SH3BGRL2: variants seen among roughly 807,000 people sequenced by gnomAD.
SH3BGRL2 encodes SH3 domain-binding glutamic acid-rich-like protein 2.
A neutral mutation model predicts 14.8 loss-of-function variants in SH3BGRL2; 21 were observed. The observed-to-expected ratio is 1.42, with a 90% confidence interval of 1.01 to 2.05. The LOEUF (loss-of-function observed/expected upper bound fraction) is 2.05. Ranked by LOEUF, SH3BGRL2 falls within the 30% of genes most tolerant of loss-of-function variation. The probability of loss-of-function intolerance (pLI) is 0.00; values close to 1 mark genes in which losing one functional copy is unlikely to be tolerated. For missense variants in SH3BGRL2, 147 were observed against 130.8 expected (o/e 1.12, Z -0.61); for synonymous variants, 50 against 47.8 (o/e 1.05, Z -0.19).
At chr6:79,615,996 T>G in the SH3BGRL2 span, among the ~76,000 whole-genome samples, 1 of 152,146 alleles carries the variant, frequency 6.6e-6, no homozygotes, top group East Asian at 1.9e-4. Flanking sequence ...TTCTACTTTT[T>G]GTAGAGACAG....
chr6:79,695,217 G>T (rs143114017), intron 2 of SH3BGRL2, among the ~76,000 whole-genome samples: 1 of 152,124 alleles, frequency 6.6e-6, no homozygotes, highest in Non-Finnish European at 1.5e-5. Context: ...GCTCTTTTCA[G>T]ACATGTTGCT....
intron 1 of SH3BGRL2, among the ~76,000 whole-genome samples, chr6:79,657,808 G>T (rs1259961034): frequency 6.6e-6 from 1 of 151,906 alleles, no homozygotes; most frequent in Non-Finnish European, 1.5e-5. Flanking sequence ...ATTTTAATTT[G>T]CTTCTAGTAT....
At chr6:79,601,816 G>A in the SH3BGRL2 span, among the ~76,000 whole-genome samples, 1 of 152,064 alleles carries the variant, frequency 6.6e-6, no homozygotes, top group African/African-American at 2.4e-5. Flanking sequence ...TTTTTACTAT[G>A]AAGGTTATTA....
intron 1 of SH3BGRL2, among the ~76,000 whole-genome samples, chr6:79,663,875 C>T (rs886632345): frequency 1.4e-4 from 21 of 152,294 alleles, no homozygotes; most frequent in African/African-American, 4.3e-4. Context: ...TCCCCAGTGG[C>T]GGCCGCCCCT....
chr6:79,634,399 G>A (rs1010946137), intron 1 of SH3BGRL2, among the ~76,000 whole-genome samples: 12 of 152,118 alleles, frequency 7.9e-5, no homozygotes, highest in African/African-American at 2.9e-4. Context: ...GTATTGTAGG[G>A]AAATTTTTTG....
At chr6:79,660,675 C>A (rs977989691) in intron 1 of SH3BGRL2, among the ~76,000 whole-genome samples, 3 of 152,118 alleles carry the variant, frequency 2.0e-5, no homozygotes, top group African/African-American at 7.2e-5. Context: ...GGGAGGATTC[C>A]GTCTTTTTGT....
At chr6:79,598,488 A>C in the SH3BGRL2 span, among the ~76,000 whole-genome samples, 1 of 152,316 alleles carries the variant, frequency 6.6e-6, no homozygotes, top group Middle Eastern at 3.4e-3. Context: ...CTTTATGGTA[A>C]GTTGAAGGAG....
At chr6:79,621,013 T>G in the SH3BGRL2 span, among the ~76,000 whole-genome samples, 1 of 152,160 alleles carries the variant, frequency 6.6e-6, no homozygotes, top group African/African-American at 2.4e-5. Context: ...TTCTCCCATC[T>G]TAGCCTCCCA....
the SH3BGRL2 span, among the ~76,000 whole-genome samples, chr6:79,553,868 T>C: frequency 6.6e-6 from 1 of 151,504 alleles, no homozygotes; most frequent in Non-Finnish European, 1.5e-5. Flanking sequence ...CTCTGGAGAC[T>C]GAGGCAGGAG....
chr6:79,580,405 C>G, the SH3BGRL2 span, among the ~76,000 whole-genome samples: 1 of 152,304 alleles, frequency 6.6e-6, no homozygotes, highest in Non-Finnish European at 1.5e-5. Context: ...AAGCACTCCT[C>G]AGCAAATGTA....
At chr6:79,564,458 A>G in the SH3BGRL2 span, among the ~76,000 whole-genome samples, 6 of 152,074 alleles carry the variant, frequency 3.9e-5, no homozygotes, top group African/African-American at 1.4e-4. Flanking sequence ...TACTTCTGCT[A>G]TGATGTTTCA....
intron 1 of SH3BGRL2, among the ~76,000 whole-genome samples, chr6:79,651,594 A>G: frequency 8.5e-6 from 1 of 117,432 alleles, no homozygotes; most frequent in Non-Finnish European, 2.1e-5. Flanking sequence ...CACTTGCATT[A>G]CATCAAACGG....
chr6:79,654,513 C>T (rs938267358), intron 1 of SH3BGRL2, among the ~76,000 whole-genome samples: 16 of 152,144 alleles, frequency 1.1e-4, no homozygotes, highest in Non-Finnish European at 1.9e-4. Context: ...CGATGGTGAA[C>T]CCCCTAACTT....
chr6:79,601,451 C>T, the SH3BGRL2 span, among the ~76,000 whole-genome samples: 2 of 152,212 alleles, frequency 1.3e-5, no homozygotes, highest in African/African-American at 4.8e-5. Flanking sequence ...CTGCCTTAGC[C>T]TCCCAAAGTG....
At position 79,702,524 on chromosome 6, in the gene SH3BGRL2, G is replaced by A. The variant is rs1308053825; in HGVS notation, c.*3015G>A. On this transcript the variant is annotated 3_prime_UTR_variant, in exon 4 of 4. Transcript: ENST00000369838. ...AGAAAACACATATTCTGAAAATGGA[G>A]TGTTTGTTCCCTGCCATTTTTCACA... 6.6e-6 allele frequency: 1 copy of A among 152,248 alleles called. No individual in the cohort carries two copies. Among genetic ancestry groups the A allele is most frequent in the African/African-American group, 2.4e-5 (1 of 41,458 alleles). 9.4% of individuals were successfully genotyped at this position (152,248 alleles called of 1,614,324 possible).
chr6:79,630,954 C>G (rs192453094), upstream of SH3BGRL2, among the ~76,000 whole-genome samples: 1 of 152,174 alleles, frequency 6.6e-6, no homozygotes. Context: ...CGATGTGTGC[C>G]CGCAGCACGA....
chr6:79,670,296 A>G (rs939782628), intron 1 of SH3BGRL2, among the ~76,000 whole-genome samples: 1 of 152,246 alleles, frequency 6.6e-6, no homozygotes, highest in Admixed American at 6.5e-5. Context: ...CCTACTCCCA[A>G]TCTAATGCAA....
the SH3BGRL2 span, among the ~76,000 whole-genome samples, chr6:79,605,842 G>A: frequency 2.6e-5 from 4 of 152,132 alleles, no homozygotes. Flanking sequence ...GCGACTGAAG[G>A]CATTATGGTA....
At chr6:79,593,151 G>A in the SH3BGRL2 span, among the ~76,000 whole-genome samples, 1 of 152,126 alleles carries the variant, frequency 6.6e-6, no homozygotes, top group Admixed American at 6.5e-5. Context: ...TTAAAATGTT[G>A]TTAACTAATG....
Sources: allele counts gnomAD v4.1 joint callset (sites outside exome capture counted in the v4.1 genomes callset), GRCh38; gene constraint gnomAD v4.1.1; transcripts MANE v1.5; gene names NCBI Gene and HGNC (gene_info 2026-07-23, HGNC 2026-07-21).